TBC1D32: variants seen among roughly 807,000 people sequenced by gnomAD.
TBC1D32 encodes protein broad-minded.
In TBC1D32, 151 loss-of-function variants were observed where a neutral mutation model predicts 170.3. The observed-to-expected ratio is 0.89, with a 90% CI of 0.78 to 1.01. TBC1D32 has a LOEUF of 1.01. Ranked by LOEUF, TBC1D32 falls within the 50% of genes least tolerant of loss-of-function variation. The probability of loss-of-function intolerance (pLI) is 0.00; values close to 1 mark genes in which losing one functional copy is unlikely to be tolerated. For missense variants in TBC1D32, 1,464 were observed against 1,457.1 expected (o/e 1.00, Z -0.08); for synonymous variants, 498 against 488.0 (o/e 1.02, Z -0.27).
chr6:121,282,545 C>G (rs1028775060), intron 13 of TBC1D32, among the ~76,000 whole-genome samples: 2 of 151,576 alleles, frequency 1.3e-5, no homozygotes, highest in African/African-American at 4.8e-5. Flanking sequence ...CAATATCTGA[C>G]AAAAAGAAAA....
chr6:121,258,239 C>T (rs945104980), intron 15 of TBC1D32, among the ~76,000 whole-genome samples: 8 of 152,062 alleles, frequency 5.3e-5, no homozygotes, highest in African/African-American at 1.7e-4. Flanking sequence ...TCTAAACATA[C>T]ACTAAATGCA....
intron 24 of TBC1D32, among the ~76,000 whole-genome samples, chr6:121,135,265 T>C (rs973721338): frequency 3.3e-5 from 5 of 152,062 alleles, no homozygotes; most frequent in Non-Finnish European, 5.9e-5. Flanking sequence ...GAAAAATACA[T>C]AGAATTCCAT....
chr6:121,256,812 G>A (rs938283661), intron 15 of TBC1D32, among the ~76,000 whole-genome samples: 1 of 151,870 alleles, frequency 6.6e-6, no homozygotes, highest in Non-Finnish European at 1.5e-5. Context: ...TGGGATTACA[G>A]GGGCATGCTA....
intron 30 of TBC1D32, among the ~76,000 whole-genome samples, chr6:121,098,075 T>A (rs1777620995): frequency 6.6e-6 from 1 of 151,580 alleles, no homozygotes; most frequent in Non-Finnish European, 1.5e-5. Context: ...AGGGAGAGCA[T>A]TAGGAGAAAT....
chr6:121,182,122 G>C (rs993468317), intron 22 of TBC1D32, among the ~76,000 whole-genome samples: 3 of 151,894 alleles, frequency 2.0e-5, no homozygotes. Context: ...GTAAACCAAA[G>C]AAGTAAACAT....
chr6:121,255,286 A>G, intron 17 of TBC1D32, 42 bp downstream of exon 17: 1 of 1,209,032 alleles, frequency 8.3e-7, no homozygotes. Context: ...AATTTATTTC[A>G]GCAAATATAA....
At chr6:121,175,776 A>G (rs1787681332) in intron 22 of TBC1D32, among the ~76,000 whole-genome samples, 1 of 152,200 alleles carries the variant, frequency 6.6e-6, no homozygotes, top group South Asian at 2.1e-4. Flanking sequence ...ATTCCCATTA[A>G]AGTCATCAGG....
intron 22 of TBC1D32, among the ~76,000 whole-genome samples, chr6:121,178,369 TTG>T (rs927617325): frequency 6.6e-6 from 1 of 152,126 alleles, no homozygotes; most frequent in African/African-American, 2.4e-5. Context: ...ATGAAAAACT[TTG>T]TGAGTACAGG....
chr6:121,192,245 T>C (rs934836765), intron 22 of TBC1D32: 4 of 151,932 alleles, frequency 2.6e-5, no homozygotes, highest in African/African-American at 9.7e-5. Context: ...AGGACTCTAC[T>C]TGTAATAGTA....
chr6:121,134,217 G>A (rs1781765822), intron 24 of TBC1D32, among the ~76,000 whole-genome samples: 1 of 152,018 alleles, frequency 6.6e-6, no homozygotes, highest in Admixed American at 6.6e-5. Context: ...CTACTCATGT[G>A]TAACTCCATC....
At chr6:121,304,919 G>T in intron 5 of TBC1D32, 86 bp from the exon 6 acceptor site, 2 of 894,484 alleles carry the variant, frequency 2.2e-6, no homozygotes, top group Non-Finnish European at 3.5e-6. Flanking sequence ...TAAAAACTCA[G>T]AAAATAAAAT....
chr6:121,277,948 A>G (rs1349445106), intron 15 of TBC1D32, among the ~76,000 whole-genome samples: 1 of 151,972 alleles, frequency 6.6e-6, no homozygotes, highest in East Asian at 1.9e-4. Context: ...ACTCATTTCA[A>G]TGATATTAAC....
At chr6:121,279,039 G>A in intron 15 of TBC1D32, 82 bp downstream of exon 15, 1 of 1,449,126 alleles carries the variant, frequency 6.9e-7, no homozygotes, top group Admixed American at 2.6e-5. Context: ...AGCTTTTTTA[G>A]ATCATTTAAT....
intron 22 of TBC1D32, among the ~76,000 whole-genome samples, chr6:121,161,466 T>C (rs2060388557): frequency 6.6e-6 from 1 of 152,202 alleles, no homozygotes; most frequent in African/African-American, 2.4e-5. Context: ...GGTTTTCCAT[T>C]CCTATATTAA....
chr6:121,270,315 A>G (rs906372082), intron 15 of TBC1D32, among the ~76,000 whole-genome samples: 1 of 152,184 alleles, frequency 6.6e-6, no homozygotes, highest in African/African-American at 2.4e-5. Context: ...AAAAAAATCA[A>G]TGAATCCAGG....
At chr6:121,179,487 T>C (rs1168944374) in intron 22 of TBC1D32, among the ~76,000 whole-genome samples, 1 of 151,578 alleles carries the variant, frequency 6.6e-6, no homozygotes, top group Non-Finnish European at 1.5e-5. Context: ...CAAATGATAA[T>C]AATAGACGAT....
intron 15 of TBC1D32, among the ~76,000 whole-genome samples, chr6:121,269,901 T>C (rs1432758350): frequency 3.3e-5 from 5 of 152,084 alleles, no homozygotes; most frequent in Admixed American, 2.6e-4. Context: ...ACAGAAATTA[T>C]AACAAACTGT....
At chr6:121,160,259 T>C (rs1785448197) in intron 23 of TBC1D32, among the ~76,000 whole-genome samples, 156 bp from the exon 24 acceptor site, 1 of 152,192 alleles carries the variant, frequency 6.6e-6, no homozygotes, top group African/African-American at 2.4e-5. Context: ...ATACTATACT[T>C]CAATATTCCA....
intron 31 of TBC1D32, among the ~76,000 whole-genome samples, chr6:121,081,171 T>G (rs1295220027): frequency 6.6e-6 from 1 of 152,176 alleles, no homozygotes; most frequent in Non-Finnish European, 1.5e-5. Context: ...TCTTTCTAAT[T>G]TTAAATATAG....
Sources: allele counts gnomAD v4.1 joint callset (sites outside exome capture counted in the v4.1 genomes callset), GRCh38; gene constraint gnomAD v4.1.1; transcripts MANE v1.5; gene names NCBI Gene and HGNC (gene_info 2026-07-23, HGNC 2026-07-21).